Variants in RAB9A observed in about 807,000 individuals in gnomAD.
The protein encoded by RAB9A is ras-related protein Rab-9A.
A neutral mutation model predicts 10.3 loss-of-function variants in RAB9A; 1 was observed. The observed-to-expected ratio is 0.10, with a 90% CI of 0.03 to 0.46. The LOEUF is 0.46. RAB9A is among the 20% of genes least tolerant of loss of function. RAB9A has a pLI of 0.96. For synonymous variants in RAB9A, 39 were observed against 55.2 expected, an observed-to-expected ratio of 0.71 and a Z score of 1.30; for missense variants, 92 against 150.3, an observed-to-expected ratio of 0.61 and a Z score of 2.03.
At position 13,698,221 on chromosome X, in the gene RAB9A, C is replaced by T. The variant is rs182653682; in HGVS notation, c.-115-5593C>T. ...TTTTTTTTTTTTTTTTTTGGCCCTT[C>T]TCACTTCCTCCTTTCCCACTCCCCC... On this transcript the variant is annotated intron_variant, in intron 1 of 2. Transcript: ENST00000464506. Among the ~76,000 whole-genome samples, 650 of 73,526 alleles carry T rather than the reference C, an allele frequency of 8.8e-3. 4 individuals carry two copies. Among genetic ancestry groups the T allele is most frequent in the African/African-American group, 0.032 (619 of 19,077 alleles). The allele number at this position is 73,526 out of a possible 115,157, so 63.8% of individuals were successfully genotyped here.
intron 1 of RAB9A, among the ~76,000 whole-genome samples, chrX:13,698,164 A>T (rs1160687718): frequency 9.8e-6 from 1 of 101,663 alleles, no homozygotes; most frequent in Non-Finnish European, 2.0e-5. Flanking sequence ...TTAGTTCCTT[A>T]ACTAAGTCTT....
In RAB9A at chrX:13,710,087, A is replaced by G. The variant is rs995065376; in HGVS notation, c.*735A>G. ...GAAAGCCTTTCCATAGATAGAGTTCAGTTTTAAGAAAAAGGCTAACTACTG... is the reference window on the plus strand; with the variant it reads ...GAAAGCCTTTCCATAGATAGAGTTCGGTTTTAAGAAAAAGGCTAACTACTG... On this transcript the variant is annotated 3_prime_UTR_variant, in exon 3 of 3. Coordinates refer to ENST00000464506, the MANE Select transcript of RAB9A (RefSeq NM_004251.5). The G allele has an allele frequency of 1.6e-5, 2 of 124,064 alleles. No individual in the cohort carries two copies. Among genetic ancestry groups the G allele is most frequent in the Admixed American group, 1.9e-4 (2 of 10,615 alleles). 10.2% of individuals were successfully genotyped at this position (124,064 alleles called of 1,213,427 possible).
chrX:13,709,435 C>T lies in RAB9A; in HGVS notation c.*83C>T, dbSNP rs1014424900. ...GGATGGAGAAGAGAATTAGCGTTTG[C>T]AGCAGTGTATCATCTACTAATAAAA... is the stretch of plus-strand genomic sequence containing the variant. On this transcript the variant is annotated 3_prime_UTR_variant, in exon 3 of 3. Transcript: ENST00000464506. 11 of 1,037,367 alleles carry T rather than the reference C, an allele frequency of 1.1e-5. No homozygotes were observed. Among genetic ancestry groups the T allele is most frequent in the African/African-American group, 7.6e-5 (4 of 52,579 alleles). The allele number at this position is 1,037,367 out of a possible 1,213,427, so 85.5% of individuals were successfully genotyped here.
chrX:13,689,573 C>G (rs192872433), intron 1 of RAB9A, among the ~76,000 whole-genome samples: 1 of 112,169 alleles, frequency 8.9e-6, no homozygotes, highest in East Asian at 2.8e-4. Flanking sequence ...TGCACATACA[C>G]ACGGAGAAAT....
intron 1 of RAB9A, among the ~76,000 whole-genome samples, chrX:13,692,997 A>G (rs1275674585): frequency 8.9e-6 from 1 of 112,164 alleles, no homozygotes; most frequent in Admixed American, 9.4e-5. Flanking sequence ...GGTCGAGATA[A>G]ATTGGTGCTA....
In RAB9A at chrX:13,709,145, G is replaced by A; in HGVS notation, c.399G>A (p.Val133=). 8.3e-7 allele frequency: 1 copy of A among 1,211,846 alleles called. No individual in the cohort carries two copies. Among genetic ancestry groups the A allele is most frequent in the East Asian group, 3.0e-5 (1 of 33,865 alleles). ...GNKIDISERQ[V]STEEAQAWCR... ...AGATTGACATAAGCGAACGGCAGGT[G>A]TCTACAGAAGAAGCCCAAGCTTGGT... Residue 133 remains valine, a synonymous_variant, in exon 3 of 3, where the codon GTG becomes GTA. Coordinates refer to ENST00000464506, the MANE Select transcript of RAB9A (RefSeq NM_004251.5).
chrX:13,690,672 C>T (rs2046116894), intron 1 of RAB9A, among the ~76,000 whole-genome samples: 1 of 111,949 alleles, frequency 8.9e-6, no homozygotes, highest in Admixed American at 9.5e-5. Flanking sequence ...AAGAGAAGAT[C>T]CTTGAGTTCT....
chrX:13,702,805 G>A (rs1237203841), intron 1 of RAB9A, among the ~76,000 whole-genome samples: 6 of 112,208 alleles, frequency 5.3e-5, no homozygotes, highest in Non-Finnish European at 1.1e-4. Flanking sequence ...AGGTACAGTT[G>A]TGACTTAAAT....
chrX:13,704,733 G>A (rs987526553), intron 2 of RAB9A, among the ~76,000 whole-genome samples: 2 of 108,739 alleles, frequency 1.8e-5, no homozygotes, highest in African/African-American at 3.4e-5. Flanking sequence ...TCATGCCTCC[G>A]CCTCCTGAGT....
rs1206078283 is a variant in RAB9A, at chrX:13,689,206, A to G, written c.-198A>G. The G allele has an allele frequency of 3.5e-5, 4 of 113,247 alleles. No individual in the cohort carries two copies. Among genetic ancestry groups the G allele is most frequent in the Non-Finnish European group, 5.6e-5 (3 of 53,304 alleles). 9.3% of individuals were successfully genotyped at this position (113,247 alleles called of 1,213,427 possible). ...CTACCGCGGCTGCCTCCTGCTGTGC[A>G]GGTCCCCGACCCTCTCTCTGTCCTC... On this transcript the variant is annotated 5_prime_UTR_variant, in exon 1 of 3. Transcript: ENST00000464506.
chrX:13,691,410 C>G (rs58862131), intron 1 of RAB9A, among the ~76,000 whole-genome samples: 2 of 110,934 alleles, frequency 1.8e-5, no homozygotes, highest in African/African-American at 6.6e-5. Flanking sequence ...GCCTGTAATC[C>G]CAGCACTTTG....
chrX:13,691,635 G>A (rs1468837317), intron 1 of RAB9A, among the ~76,000 whole-genome samples: 5 of 89,352 alleles, frequency 5.6e-5, no homozygotes, highest in African/African-American at 2.2e-4. Flanking sequence ...GCTCCAGCCT[G>A]GGCAACAGAA....
chrX:13,706,805 A>T (rs16979144), intron 2 of RAB9A, among the ~76,000 whole-genome samples: 1,578 of 111,453 alleles, frequency 0.014, 31 homozygotes, highest in African/African-American at 0.048. Flanking sequence ...ACAAGCCACT[A>T]CAAGGTTTTT....
intron 1 of RAB9A, among the ~76,000 whole-genome samples, chrX:13,702,645 G>A (rs959652756): frequency 8.9e-6 from 1 of 112,146 alleles, no homozygotes; most frequent in African/African-American, 3.2e-5. Flanking sequence ...GAATCTGAGT[G>A]TGATTGAGAG....
chrX:13,691,605 A>G (rs922742499), intron 1 of RAB9A, among the ~76,000 whole-genome samples: 1 of 92,029 alleles, frequency 1.1e-5, no homozygotes, highest in African/African-American at 4.1e-5. Context: ...GGTTGCAGTG[A>G]GCCGAGATCA....
chrX:13,702,076 G>A (rs773941011), intron 1 of RAB9A, among the ~76,000 whole-genome samples: 1 of 111,057 alleles, frequency 9.0e-6, no homozygotes, highest in African/African-American at 3.3e-5. Flanking sequence ...CCTTTCCATG[G>A]CTTCTACTCG....
At chrX:13,691,437 G>A (rs946408817) in intron 1 of RAB9A, among the ~76,000 whole-genome samples, 1 of 110,745 alleles carries the variant, frequency 9.0e-6, no homozygotes, top group Non-Finnish European at 1.9e-5. Flanking sequence ...CGAGGTGGGC[G>A]GATCACGAGG....
At chrX:13,690,774 G>A (rs1400249303) in intron 1 of RAB9A, among the ~76,000 whole-genome samples, 1 of 111,411 alleles carries the variant, frequency 9.0e-6, no homozygotes, top group Non-Finnish European at 1.9e-5. Flanking sequence ...AATCCTGTAC[G>A]TACATCATTT....
rs1305732777 is a variant in RAB9A at position 13,690,037 on chromosome X, A to C, written c.-116+749A>C. ...TCTTTTGAGGAATAACTTTTCTGCT[A>C]GTTTCCAAATCGGCACGTGACCACA... On this transcript the variant is annotated intron_variant, in intron 1 of 2. Transcript: ENST00000464506. 2.9e-5 allele frequency among the ~76,000 whole-genome samples: 3 copies of C among 104,623 alleles called. No homozygotes were observed. In the East Asian group the frequency reaches 8.9e-4, roughly 31 times the overall value. The allele number at this position is 104,623 out of a possible 115,157, so 90.9% of individuals were successfully genotyped here.
Sources: gnomAD v4.1 joint callset for allele counts (sites outside exome capture counted in the v4.1 genomes callset) on GRCh38, gnomAD v4.1.1 for gene constraint, MANE v1.5 for transcripts, NCBI Gene and HGNC (gene_info 2026-07-23, HGNC 2026-07-21) for gene names.